UTP20: variants seen among roughly 807,000 people sequenced by gnomAD.
UTP20 encodes the protein UTP20 small subunit processome component.
In UTP20, 164 loss-of-function variants were observed where a neutral mutation model predicts 329.5. That is an observed-to-expected ratio of 0.50 (90% CI 0.44 to 0.57). The LOEUF (loss-of-function observed/expected upper bound fraction) is 0.57. UTP20 is among the 20% of genes least tolerant of loss of function. The probability of loss-of-function intolerance (pLI) is 0.00; values close to 1 mark genes in which losing one functional copy is unlikely to be tolerated. For missense variants in UTP20, 3,055 were observed against 3,284.2 expected, an observed-to-expected ratio of 0.93 and a Z score of 1.71; for synonymous variants, 1,151 against 1,159.3, an observed-to-expected ratio of 0.99 and a Z score of 0.14.
intron 27 of UTP20, 61 bp downstream of exon 27, chr12:101,329,510 A>G (rs1868684507): frequency 2.6e-6 from 4 of 1,521,962 alleles, no homozygotes; most frequent in Non-Finnish European, 3.6e-6. Context: ...TTGGATTTTA[A>G]TTCCAAGAGC....
intron 14 of UTP20, among the ~76,000 whole-genome samples, 172 bp from the exon 15 acceptor site, chr12:101,302,276 C>G (rs1284264152): frequency 6.6e-6 from 1 of 152,170 alleles, no homozygotes; most frequent in Non-Finnish European, 1.5e-5. Context: ...GGAAACTTCT[C>G]TTTTCTGTTT....
At chr12:101,285,963 G>A (rs1012097248) in intron 4 of UTP20, 82 bp downstream of exon 4, 18 of 1,528,936 alleles carry the variant, frequency 1.2e-5, no homozygotes, top group East Asian at 9.1e-5. Context: ...TACATATACC[G>A]CAGATCAGGT....
intron 29 of UTP20, among the ~76,000 whole-genome samples, chr12:101,335,599 TG>T (rs2137272325): frequency 6.6e-6 from 1 of 152,358 alleles, no homozygotes; most frequent in South Asian, 2.1e-4. Flanking sequence ...TCCATCTAAA[TG>T]TACATTCAGC....
chr12:101,292,795 C>G (rs932279452), intron 10 of UTP20, among the ~76,000 whole-genome samples: 2 of 152,090 alleles, frequency 1.3e-5, no homozygotes, highest in Non-Finnish European at 2.9e-5. Context: ...TGAAAGAATT[C>G]CAAGCAGGGA....
intron 1 of UTP20, among the ~76,000 whole-genome samples, chr12:101,280,823 T>G (rs1387093193): frequency 1.3e-5 from 2 of 152,132 alleles, no homozygotes; most frequent in African/African-American, 4.8e-5. Flanking sequence ...TATGGGAGGG[T>G]ATGAAACCTA....
chr12:101,360,462 A>G (rs1314729210), intron 43 of UTP20, among the ~76,000 whole-genome samples: 1 of 152,200 alleles, frequency 6.6e-6, no homozygotes, highest in African/African-American at 2.4e-5. Context: ...TAAATCCATC[A>G]TAAAGTTGAA....
rs752207 is a variant in UTP20 at position 101,366,591 on chromosome 12, A to G, written c.6159A>G (p.Leu2053=). The change falls in exon 47 of 62, where the codon CTA becomes CTG. Residue 2053 remains leucine (L), a synonymous_variant. Coordinates refer to ENST00000261637, the MANE Select transcript of UTP20 (RefSeq NM_014503.3). ...TAGCCCCAGCACCAGATCCACGTCT[A>G]CCACCCCAGAGCTGCCTTCTGCTTC... ...NPVAPAPDPR[L]PPQSCLLLPP... The G allele has an allele frequency of 7.6e-4, 1,233 of 1,614,110 alleles. 4 individuals carry two copies. The African/African-American group carries it at 0.011, about 15-fold the overall frequency.
At chr12:101,327,035 T>A in intron 25 of UTP20, 46 bp from the exon 26 acceptor site, 1 of 1,546,418 alleles carries the variant, frequency 6.5e-7, no homozygotes, top group Non-Finnish European at 8.8e-7. Context: ...ACAACTCATA[T>A]TTTAGAATTA....
At position 101,290,835 on chromosome 12, in the gene UTP20, A is replaced by T; in HGVS notation, c.838A>T (p.Thr280Ser). The change falls in exon 8 of 62, where the codon ACT becomes TCT. Residue 280 changes from threonine (T) to serine (S), a missense_variant. Thr to Ser is a moderately conservative substitution (Grantham distance 58). This residue lies in a region of UTP20 where 2,445 missense variants were observed against 2,575.5 expected (regional missense o/e 0.95). Transcript: ENST00000261637. ...AACACTCAAAAACATGGTCAAATCCACTGTATCCTACATCTCCAAGGAACA... is the reference window on the plus strand; with the variant it reads ...AACACTCAAAAACATGGTCAAATCCTCTGTATCCTACATCTCCAAGGAACA... ...GETLKNMVKS[T>S]VSYISKEHFG... is the part of the protein sequence containing the mutation. 1 of 1,613,960 alleles carries T rather than the reference A, an allele frequency of 6.2e-7. No individual in the cohort carries two copies.
At chr12:101,339,339 T>A (rs529180580) in intron 31 of UTP20, among the ~76,000 whole-genome samples, 86 of 147,582 alleles carry the variant, frequency 5.8e-4, no homozygotes, top group Middle Eastern at 7.0e-3. Context: ...AAAATAAATT[T>A]AAAAAAAATT....
intron 34 of UTP20, 49 bp from the exon 35 acceptor site, chr12:101,342,892 G>T (rs756146189): frequency 2.5e-6 from 4 of 1,609,762 alleles, no homozygotes. Flanking sequence ...TTTGTTTACT[G>T]AAGATTTATA....
rs1870228072 is a variant in UTP20 at position 101,369,874 on chromosome 12, G to A, written c.6538G>A (p.Val2180Met). The change falls in exon 49 of 62, where the codon GTG becomes ATG. Residue 2180 changes from valine (V) to methionine (M), a missense_variant. Around this residue, in one of 3 missense-constraint regions of UTP20, gnomAD observed 2,445 missense variants for 2,575.5 expected, o/e 0.95. Coordinates refer to ENST00000261637, the MANE Select transcript of UTP20 (RefSeq NM_014503.3). ...GAARGQNFHL[V>M]VNCFKCVTIL... ...CGCCAGGGGCCAGAACTTCCACCTTGTGGTCAATTGTTTCAAGGTGAGATG... is the reference window on the plus strand; with the variant it reads ...CGCCAGGGGCCAGAACTTCCACCTTATGGTCAATTGTTTCAAGGTGAGATG... The A allele has an allele frequency of 6.2e-7, 1 of 1,613,752 alleles. No homozygotes were observed. The highest frequency in any genetic ancestry group is 1.7e-5 in the Admixed American group (1 of 59,972).
chr12:101,365,422 G>A (rs781557555), intron 45 of UTP20, 37 bp from the exon 46 acceptor site: 5 of 1,475,572 alleles, frequency 3.4e-6, no homozygotes, highest in East Asian at 2.5e-5. Context: ...ATGCATTTCT[G>A]TGTCATCTCA....
At chr12:101,302,411 A>C in intron 14 of UTP20, 37 bp from the exon 15 acceptor site, 1 of 1,271,112 alleles carries the variant, frequency 7.9e-7, no homozygotes, top group Non-Finnish European at 1.1e-6. Context: ...TGTCAAAGAA[A>C]TAAGTAATGT....
intron 43 of UTP20, 53 bp downstream of exon 43, chr12:101,357,135 G>T: frequency 6.6e-7 from 1 of 1,526,248 alleles, no homozygotes. Flanking sequence ...TAAAATATTT[G>T]CAGCTTGAAC....
chr12:101,347,648 C>G (rs1869371619), intron 38 of UTP20, among the ~76,000 whole-genome samples: 1 of 152,084 alleles, frequency 6.6e-6, no homozygotes, highest in Non-Finnish European at 1.5e-5. Context: ...TAATAGATTT[C>G]CTCTGTTGTT....
intron 37 of UTP20, among the ~76,000 whole-genome samples, chr12:101,345,985 C>G (rs1869309826): frequency 6.6e-6 from 1 of 152,064 alleles, no homozygotes; most frequent in Non-Finnish European, 1.5e-5. Flanking sequence ...GATTATATCT[C>G]TGAAAGCAAA....
At chr12:101,320,134 A>T (rs1186078863) in intron 23 of UTP20, among the ~76,000 whole-genome samples, 1 of 152,220 alleles carries the variant, frequency 6.6e-6, no homozygotes, top group African/African-American at 2.4e-5. Context: ...CTGGGGAAAC[A>T]AAATTTTCAT....
At chr12:101,308,840 C>T (rs1872706888) in intron 18 of UTP20, among the ~76,000 whole-genome samples, 1 of 151,760 alleles carries the variant, frequency 6.6e-6, no homozygotes, top group Non-Finnish European at 1.5e-5. Flanking sequence ...TCACACCATT[C>T]TCCTGCCTCA....
Sources: allele counts gnomAD v4.1 joint callset (sites outside exome capture counted in the v4.1 genomes callset), GRCh38; gene constraint gnomAD v4.1.1; regional missense constraint gnomAD v4.1.1; transcripts MANE v1.5; gene names NCBI Gene and HGNC (gene_info 2026-07-23, HGNC 2026-07-21).